Variants in ARMC2 observed in about 807,000 individuals in gnomAD.
The protein encoded by ARMC2 is armadillo repeat-containing protein 2.
In ARMC2, 67 loss-of-function variants were observed where a neutral mutation model predicts 90.3. That is an observed-to-expected ratio of 0.74 (90% CI 0.61 to 0.91). ARMC2 has a LOEUF of 0.91. ARMC2 is among the 40% of genes least tolerant of loss of function. The probability of loss-of-function intolerance (pLI) is 0.00; values close to 1 mark genes in which losing one functional copy is unlikely to be tolerated. For synonymous variants in ARMC2, 393 were observed against 393.0 expected, an observed-to-expected ratio of 1.00 and a Z score of 0.00; for missense variants, 920 against 1,030.9, an observed-to-expected ratio of 0.89 and a Z score of 1.47.
intron 12 of ARMC2, among the ~76,000 whole-genome samples, chr6:108,946,062 C>T (rs1239823780): frequency 1.3e-5 from 2 of 152,254 alleles, no homozygotes; most frequent in Non-Finnish European, 1.5e-5. Context: ...CCTTGGTCTG[C>T]GCCCCTGACC....
At chr6:108,930,195 T>C (rs1008563175) in intron 11 of ARMC2, among the ~76,000 whole-genome samples, 5 of 152,186 alleles carry the variant, frequency 3.3e-5, no homozygotes, top group South Asian at 2.1e-4. Context: ...TAATCTTGCA[T>C]TGATAGCTCT....
Position 108,870,669 on chromosome 6 carries a change from T to C in ARMC2, c.463+1674T>C, listed in dbSNP as rs116122257. On this transcript the variant is annotated intron_variant, in intron 4 of 17. Coordinates refer to ENST00000392644, the MANE Select transcript of ARMC2 (RefSeq NM_032131.6). ...AAAGAGAAGAGAAAAGACAAGACAA[T>C]GAGGATGTGCAGGGTGTGTACCTCA... 4.2e-3 allele frequency among the ~76,000 whole-genome samples: 642 copies of C among 152,000 alleles called. 4 individuals are homozygous for C. The highest frequency in any genetic ancestry group is 0.015 in the African/African-American group (605 of 41,462).
chr6:108,958,154 C>T (rs1777726010), intron 13 of ARMC2, among the ~76,000 whole-genome samples: 1 of 152,090 alleles, frequency 6.6e-6, no homozygotes, highest in African/African-American at 2.4e-5. Context: ...ATGTGGGGAC[C>T]TCATGCTGGA....
At position 108,964,977 on chromosome 6, in the gene ARMC2, C is replaced by T; in HGVS notation, c.2286-3C>T. 6.3e-7 allele frequency: 1 copy of T among 1,587,240 alleles called. No individual in the cohort carries two copies. Among genetic ancestry groups the T allele is most frequent in the Non-Finnish European group, 8.6e-7 (1 of 1,159,670 alleles). On this transcript the variant is annotated splice_polypyrimidine_tract_variant and splice_region_variant and intron_variant, in intron 16 of 17. Transcript: ENST00000392644. ...CTTCTCAATTTGAATTTTATTAACT[C>T]AGGTTAGTGGACTGTTTAAGAGATT...
Position 108,973,299 on chromosome 6 carries a change from T to C in ARMC2, c.2447-58T>C, listed in dbSNP as rs1047735904. 6 of 1,438,854 alleles carry C rather than the reference T, an allele frequency of 4.2e-6. No individual in the cohort carries two copies. The African/African-American group carries it at 7.2e-5, about 17-fold the overall frequency. 89.1% of individuals were successfully genotyped at this position (1,438,854 alleles called of 1,614,324 possible). ...TTAACTCATATCATCAAAATTAAAC[T>C]ATATTCAATAGGATTACATTTCTAA... On this transcript the variant is annotated intron_variant, in intron 17 of 17. Transcript: ENST00000392644.
intron 4 of ARMC2, among the ~76,000 whole-genome samples, chr6:108,869,689 C>T (rs945142834): frequency 2.0e-5 from 3 of 152,176 alleles, no homozygotes. Flanking sequence ...CTTCTGATCC[C>T]GTGTGAGCAT....
At chr6:108,964,764 T>C (rs763322371) in intron 16 of ARMC2, among the ~76,000 whole-genome samples, 9 of 151,550 alleles carry the variant, frequency 5.9e-5, no homozygotes, top group Non-Finnish European at 1.2e-4. Flanking sequence ...CACTTCAGCC[T>C]GGGCAACAGA....
the ARMC2 span, chr6:108,988,449 G>T: frequency 8.8e-7 from 1 of 1,130,246 alleles, no homozygotes; most frequent in East Asian, 2.6e-5. Flanking sequence ...GTTGGTAGGG[G>T]TGATGGAAAG....
chr6:108,976,523 T>C (rs1778986231), downstream of ARMC2, among the ~76,000 whole-genome samples: 1 of 152,204 alleles, frequency 6.6e-6, no homozygotes, highest in African/African-American at 2.4e-5. Context: ...TTAAAGTAGT[T>C]TTCTCCAATT....
At chr6:108,861,271 T>C (rs1775212104) in intron 3 of ARMC2, among the ~76,000 whole-genome samples, 1 of 152,224 alleles carries the variant, frequency 6.6e-6, no homozygotes, top group South Asian at 2.1e-4. Flanking sequence ...TTTGTGTGTA[T>C]GTGTGTTTGT....
At chr6:108,859,086 A>G (rs888212686) in intron 3 of ARMC2, among the ~76,000 whole-genome samples, 1 of 152,100 alleles carries the variant, frequency 6.6e-6, no homozygotes, top group Admixed American at 6.6e-5. Context: ...CCTTTCCTGT[A>G]CCACTTTTTG....
At chr6:109,015,566 T>A in the ARMC2 span, among the ~76,000 whole-genome samples, 1 of 152,182 alleles carries the variant, frequency 6.6e-6, no homozygotes, top group Non-Finnish European at 1.5e-5. Flanking sequence ...GGAGAATTCA[T>A]TCAGACATAT....
At chr6:109,035,086 C>T in the ARMC2 span, among the ~76,000 whole-genome samples, 3 of 151,968 alleles carry the variant, frequency 2.0e-5, no homozygotes, top group African/African-American at 4.8e-5. Context: ...AGAAAAGGGG[C>T]AAGAGGATTC....
the ARMC2 span, chr6:108,987,752 A>G: frequency 4.0e-6 from 2 of 500,734 alleles, no homozygotes; most frequent in Non-Finnish European, 7.1e-6. Flanking sequence ...AGTACAGCAT[A>G]ACTTAGCCTT....
rs147232897 is a variant in ARMC2 at position 108,918,568 on chromosome 6, G to A, written c.1350+6010G>A. On this transcript the variant is annotated intron_variant, in intron 10 of 17. Coordinates refer to ENST00000392644, the MANE Select transcript of ARMC2 (RefSeq NM_032131.6). ...CTCAATCCTGTATTCATTGTTTGCC[G>A]TTGGGAACCCTGATGGTTCATTCAA... is the stretch of plus-strand genomic sequence containing the variant. Among the ~76,000 whole-genome samples the A allele has an allele frequency of 5.3e-4, 81 of 151,654 alleles. 1 individual carries two copies. The highest frequency in any genetic ancestry group is 1.9e-3 in the African/African-American group (78 of 41,322).
chr6:108,896,965 A>G (rs900098582), intron 6 of ARMC2, among the ~76,000 whole-genome samples: 5 of 152,130 alleles, frequency 3.3e-5, no homozygotes, highest in African/African-American at 1.2e-4. Flanking sequence ...TTTATTTTTT[A>G]TATACTTTGG....
At chr6:108,881,897 C>T (rs1777614600) in intron 5 of ARMC2, among the ~76,000 whole-genome samples, 1 of 152,160 alleles carries the variant, frequency 6.6e-6, no homozygotes, top group Admixed American at 6.6e-5. Context: ...CTACAGAATA[C>T]CTCCGTTCGC....
intron 3 of ARMC2, among the ~76,000 whole-genome samples, chr6:108,859,252 G>T (rs1414869768): frequency 6.6e-6 from 1 of 152,092 alleles, no homozygotes; most frequent in Admixed American, 6.6e-5. Flanking sequence ...CACACGTCCT[G>T]CCCAACCACT....
intron 10 of ARMC2, among the ~76,000 whole-genome samples, chr6:108,926,395 A>G (rs1237318151): frequency 6.6e-6 from 1 of 152,184 alleles, no homozygotes; most frequent in Non-Finnish European, 1.5e-5. Context: ...TATGACAGCA[A>G]TGGAATTCCT....
Sources: gnomAD v4.1 joint callset for allele counts (sites outside exome capture counted in the v4.1 genomes callset) on GRCh38, gnomAD v4.1.1 for gene constraint, MANE v1.5 for transcripts, NCBI Gene and HGNC (gene_info 2026-07-23, HGNC 2026-07-21) for gene names.